Variants in TUB observed in about 807,000 individuals in gnomAD.
The protein encoded by TUB is TUB bipartite transcription factor.
In TUB, 33 loss-of-function variants were observed where a neutral mutation model predicts 59.7. That is an observed-to-expected ratio of 0.55 (90% confidence interval 0.42 to 0.74). The LOEUF (loss-of-function observed/expected upper bound fraction) is 0.74. Among genes scored for constraint, TUB ranks in the 30% least tolerant of loss-of-function variants. The pLI is 0.00. For missense variants in TUB, 659 were observed against 672.0 expected (o/e 0.98, Z 0.21); for synonymous variants, 293 against 256.4 (o/e 1.14, Z -1.36).
At chr11:8,100,144 G>C (rs1175509467) in intron 9 of TUB, among the ~76,000 whole-genome samples, 2 of 152,220 alleles carry the variant, frequency 1.3e-5, no homozygotes, top group Non-Finnish European at 2.9e-5. Context: ...AGAGAAGCTA[G>C]TGGTGAAAAG....
intron 9 of TUB, 95 bp downstream of exon 9, chr11:8,098,970 G>A (rs1239254306): frequency 7.6e-6 from 7 of 920,206 alleles, no homozygotes; most frequent in Non-Finnish European, 1.1e-5. Flanking sequence ...CATCTTAGTG[G>A]GTAGACAAGG....
chr11:8,090,181 C>T lies in TUB; in HGVS notation c.203C>T (p.Ala68Val), dbSNP rs757798545. Residue 68 changes from alanine to valine, a missense_variant, in exon 3 of 12, where the codon GCC (alanine) becomes GTC (valine). Coordinates refer to ENST00000299506, the MANE Select transcript of TUB (RefSeq NM_177972.3). ...SRRARQSEEQ[A>V]PLVESYLSSS... ...CGGGCCCGGCAGTCAGAGGAACAAGCCCCCCTGGTGGAGTCCTACCTCAGC... is the reference window on the plus strand; with the variant it reads ...CGGGCCCGGCAGTCAGAGGAACAAGTCCCCCTGGTGGAGTCCTACCTCAGC... The T allele has an allele frequency of 2.5e-6, 4 of 1,613,740 alleles. No individual in the cohort carries two copies. The highest frequency in any genetic ancestry group is 1.7e-5 in the Admixed American group (1 of 60,020).
rs5789559 is a variant in TUB, at chr11:8,069,399, C to CGG, written c.204-20200_204-20199dup. The CGG allele has an allele frequency of 1.7e-3, 215 of 127,178 alleles. 1 individual carries two copies. The highest frequency in any genetic ancestry group is 5.8e-3 in the African/African-American group (177 of 30,502). The allele number at this position is 127,178 out of a possible 1,614,324, so 7.9% of individuals were successfully genotyped here. ...AAATTTAGTATTCTTTGTATTCTTT[C>CGG]GGGGGGGGGGGGTAATTAACCCTAA... On this transcript the variant is annotated intron_variant, in intron 2 of 12. Coordinates refer to the TUB transcript ENST00000305253.
intron 2 of TUB, among the ~76,000 whole-genome samples, chr11:8,055,916 GAGCCTGGGCTCAGCGTTCACTGC>G (rs1943011887): frequency 1.3e-5 from 2 of 152,200 alleles, no homozygotes; most frequent in Non-Finnish European, 2.9e-5. Flanking sequence ...TGTGACAGGG[GAGCCTGGGCTCAGCGTTCACTGC>G]AGCCTGGGCA....
chr11:8,100,116 G>T (rs1281718240), intron 9 of TUB, among the ~76,000 whole-genome samples: 1 of 152,216 alleles, frequency 6.6e-6, no homozygotes, highest in African/African-American at 2.4e-5. Context: ...GGCAAAGGCT[G>T]TTAGAATGAT....
At chr11:8,088,392 C>T (rs1258652384) in intron 1 of TUB, among the ~76,000 whole-genome samples, 1 of 152,196 alleles carries the variant, frequency 6.6e-6, no homozygotes, top group East Asian at 1.9e-4. Flanking sequence ...AGTGGCTTCA[C>T]TTTGTCCTCA....
At chr11:8,097,931 G>A in intron 8 of TUB, 105 bp downstream of exon 8, 1 of 826,414 alleles carries the variant, frequency 1.2e-6, no homozygotes, top group Non-Finnish European at 2.0e-6. Context: ...GGCCAGGGAT[G>A]GATACTCTCC....
intron 2 of TUB, among the ~76,000 whole-genome samples, chr11:8,051,471 T>C (rs891577405): frequency 1.3e-5 from 2 of 152,246 alleles, no homozygotes; most frequent in Non-Finnish European, 2.9e-5. Context: ...CTCTGTACTC[T>C]TGTGATCACT....
rs779293501 is a variant in TUB at position 8,090,164 on chromosome 11, GC to G, written c.187del (p.Gln63SerfsTer92). ...DGRPRSRRAR[Q>X]SEEQAPLVES... is the part of the protein sequence containing the mutation. ...GGCGGCCCCGGAGCCGGCGGGCCCG[GC>G]AGTCAGAGGAACAAGCCCCCCTGGT... On this transcript the variant is annotated frameshift_variant, in exon 3 of 12. Transcript: ENST00000299506. LOFTEE classifies it high-confidence loss of function. The G allele has an allele frequency of 6.2e-7, 1 of 1,613,626 alleles. No homozygotes were observed. Among genetic ancestry groups the G allele is most frequent in the South Asian group, 1.1e-5 (1 of 91,080 alleles).
At chr11:8,076,249 T>C (rs1264117498), upstream of TUB, 3 of 152,206 alleles carry the variant, frequency 2.0e-5, no homozygotes, top group African/African-American at 7.2e-5. Flanking sequence ...TGCTGCTCTT[T>C]GGATTTCTCC....
At chr11:8,078,180 G>T (rs1366506611), upstream of TUB, among the ~76,000 whole-genome samples, 1 of 152,056 alleles carries the variant, frequency 6.6e-6, no homozygotes, top group Admixed American at 6.6e-5. Context: ...AGATGTGAGG[G>T]TCTCTGTTGG....
intron 2 of TUB, among the ~76,000 whole-genome samples, chr11:8,051,928 A>C (rs764363594): frequency 4.6e-5 from 7 of 152,254 alleles, no homozygotes; most frequent in Non-Finnish European, 1.0e-4. Context: ...CACTTACTAA[A>C]TAATCCAATG....
chr11:8,080,973 C>G (rs1034241476), upstream of TUB, among the ~76,000 whole-genome samples: 1 of 152,234 alleles, frequency 6.6e-6, no homozygotes, highest in Non-Finnish European at 1.5e-5. Flanking sequence ...CGAATGATCC[C>G]CGTTTCACAG....
chr11:8,100,375 G>A lies in TUB; in HGVS notation c.1117-128G>A, dbSNP rs1180023644. 13 of 732,724 alleles carry A rather than the reference G, an allele frequency of 1.8e-5. No homozygotes were observed. The South Asian group carries it at 2.1e-4, about 12-fold the overall frequency. 45.4% of individuals were successfully genotyped at this position (732,724 alleles called of 1,614,324 possible). On this transcript the variant is annotated intron_variant, in intron 9 of 11. Transcript: ENST00000299506. ...CAGTTCTGGCCGTGTTAGGTTTAGA[G>A]GGATGTGTGTTAGACTTCGGAGTGG...
In TUB at chr11:8,094,168, G is replaced by A. The variant is rs768051346; in HGVS notation, c.376G>A (p.Glu126Lys). The change falls in exon 4 of 12, where the codon GAG becomes AAG. Residue 126 changes from glutamate (E) to lysine (K), a missense_variant. Around this residue, in one of 3 missense-constraint regions of TUB, gnomAD observed 321 missense variants for 304.3 expected, o/e 1.05. Coordinates refer to ENST00000299506, the MANE Select transcript of TUB (RefSeq NM_177972.3). ...AGGQGGAARK[E>K]KKGKHKGTSG... ...GGGCCAGGGTGGCGCCGCTAGGAAG[G>A]AGAAGAAGGGAAAGCACAAAGGTCA... 6.2e-7 allele frequency: 1 copy of A among 1,613,526 alleles called. No individual in the cohort carries two copies. The highest frequency in any genetic ancestry group is 1.1e-5 in the South Asian group (1 of 91,016).
chr11:8,019,543 G>A (rs1019493991), intron 1 of TUB, among the ~76,000 whole-genome samples: 13 of 152,106 alleles, frequency 8.5e-5, no homozygotes, highest in African/African-American at 2.9e-4. Flanking sequence ...CTCCAGCGAG[G>A]GTAGTGTCCC....
rs377661142 is a variant in TUB at position 8,098,891 on chromosome 11, G to A, written c.1116+16G>A. ...TGTGTGCTACGTGAGTCCTAGGTTC[G>A]GGGGTCTCTGATTTCCAAGGTAGAT... On this transcript the variant is annotated intron_variant, in intron 9 of 11. Transcript: ENST00000299506. 20 of 1,569,418 alleles carry A rather than the reference G, an allele frequency of 1.3e-5. No individual in the cohort carries two copies. Among genetic ancestry groups the A allele is most frequent in the South Asian group, 6.7e-5 (6 of 89,960 alleles).
At chr11:8,071,636 G>A (rs529952075) in intron 2 of TUB, among the ~76,000 whole-genome samples, 32 of 152,290 alleles carry the variant, frequency 2.1e-4, no homozygotes, top group African/African-American at 7.0e-4. Flanking sequence ...TCACCAAACC[G>A]CTTCAGTTGT....
chr11:8,094,048 C>G lies in TUB; in HGVS notation c.256C>G (p.Gln86Glu). Residue 86 changes from glutamine (Q) to glutamate (E), a missense_variant and splice_region_variant, in exon 4 of 12, where the codon CAA (glutamine) becomes GAA (glutamate). Physicochemically the swap from Gln to Glu is conservative, Grantham distance 29. Around this residue, in one of 3 missense-constraint regions of TUB, gnomAD observed 321 missense variants for 304.3 expected, o/e 1.05. Coordinates refer to ENST00000299506, the MANE Select transcript of TUB (RefSeq NM_177972.3). ...ATCTGGGGATGTTTCCTGAGCAGTT[C>G]AAGAGGCCGACTCACTCGCCAGTGT... is the stretch of plus-strand genomic sequence containing the variant. ...SSSGSTSYQV[Q>E]EADSLASVQL... 2 of 1,614,122 alleles carry G rather than the reference C, an allele frequency of 1.2e-6. No homozygotes were observed. Among genetic ancestry groups the G allele is most frequent in the Non-Finnish European group, 1.7e-6 (2 of 1,180,032 alleles).
Sources: gnomAD v4.1 joint callset for allele counts (sites outside exome capture counted in the v4.1 genomes callset) on GRCh38, gnomAD v4.1.1 for gene constraint, gnomAD v4.1.1 regional missense constraint, MANE v1.5 for transcripts, NCBI Gene and HGNC (gene_info 2026-07-23, HGNC 2026-07-21) for gene names.